The following MROH9 variants were observed in gnomAD, a reference collection of about 807,000 sequenced individuals.
MROH9 encodes the protein maestro heat like repeat family member 9.
Under a neutral mutation model 98.2 loss-of-function variants are expected in MROH9, and 92 were observed. The ratio of observed to expected loss-of-function variants is 0.94; its 90% CI spans 0.79 to 1.11. The LOEUF is 1.11. MROH9 is among the 50% of genes most tolerant of loss of function. MROH9 has a pLI of 0.00. For missense variants in MROH9, 1,057 were observed against 1,014.8 expected (o/e 1.04, Z -0.57); for synonymous variants, 397 against 368.9 (o/e 1.08, Z -0.87).
chr1:171,009,334 C>T (rs565818389), intron 15 of MROH9, among the ~76,000 whole-genome samples: 25 of 152,156 alleles, frequency 1.6e-4, no homozygotes, highest in Admixed American at 6.5e-4. Flanking sequence ...CTCCATGCAG[C>T]TTATGAACAT....
intron 20 of MROH9, among the ~76,000 whole-genome samples, chr1:171,030,776 G>A (rs1043953228): frequency 1.6e-4 from 24 of 152,206 alleles, no homozygotes; most frequent in Non-Finnish European, 3.4e-4. Context: ...ATTTGGGTTG[G>A]AGAGTTCTGC....
rs145783915 is a variant in MROH9, at chr1:170,959,690, T to TC, written c.288+95dup. On this transcript the variant is annotated intron_variant, in intron 5 of 21. Transcript: ENST00000367759. ...ACTCAGCAGGTGATAATCTTTAGGG[T>TC]CCTCCTCTTCACTCTTTTTAGTTAT... is the stretch of plus-strand genomic sequence containing the variant. The TC allele has an allele frequency of 3.3e-3, 3,751 of 1,152,770 alleles. 88 individuals are homozygous for TC. The African/African-American group carries it at 0.051, about 16-fold the overall frequency. The allele number at this position is 1,152,770 out of a possible 1,614,324, so 71.4% of individuals were successfully genotyped here. A position where few individuals can be genotyped will look rare whatever the true frequency, so the allele number is the denominator to read the frequency against.
At chr1:170,983,634 C>A in intron 9 of MROH9, 100 bp downstream of exon 9, 2 of 726,246 alleles carry the variant, frequency 2.8e-6, no homozygotes, top group South Asian at 1.9e-5. Context: ...AGTATTTTTT[C>A]GTTTTTTTTT....
intron 7 of MROH9, among the ~76,000 whole-genome samples, chr1:170,966,008 A>C (rs947332895): frequency 1.3e-5 from 2 of 152,086 alleles, no homozygotes; most frequent in African/African-American, 4.8e-5. Context: ...TGGACATTAA[A>C]GTATCATTTA....
chr1:171,060,742 T>C (rs897411935), intron 20 of MROH9, among the ~76,000 whole-genome samples: 1 of 152,132 alleles, frequency 6.6e-6, no homozygotes, highest in Non-Finnish European at 1.5e-5. Flanking sequence ...AGATGGATGG[T>C]ATATATAAGC....
At chr1:170,953,867 G>GAGAA (rs1649657178) in intron 3 of MROH9, among the ~76,000 whole-genome samples, 1 of 108,948 alleles carries the variant, frequency 9.2e-6, no homozygotes, top group Non-Finnish European at 1.9e-5. Context: ...AAGAAAGAGA[G>GAGAA]AGAGAGAGAG....
intron 15 of MROH9, among the ~76,000 whole-genome samples, chr1:171,004,735 C>T (rs1016819493): frequency 3.9e-5 from 6 of 152,168 alleles, no homozygotes; most frequent in Admixed American, 1.3e-4. Context: ...GCTGTTCTGT[C>T]TGGAGCTGCA....
At chr1:171,001,197 G>A (rs1413801240) in intron 15 of MROH9, among the ~76,000 whole-genome samples, 5 of 151,690 alleles carry the variant, frequency 3.3e-5, no homozygotes, top group Non-Finnish European at 2.9e-5. Context: ...CCAGTTTTTT[G>A]TTTCATTTAC....
chr1:170,980,405 T>C (rs1319912213), intron 8 of MROH9, among the ~76,000 whole-genome samples: 1 of 152,040 alleles, frequency 6.6e-6, no homozygotes, highest in Admixed American at 6.6e-5. Flanking sequence ...AATGGAACAT[T>C]GGTGCTGGTA....
chr1:171,049,648 A>G (rs866401359), intron 20 of MROH9, among the ~76,000 whole-genome samples: 1 of 150,380 alleles, frequency 6.6e-6, no homozygotes, highest in African/African-American at 2.4e-5. Context: ...TCATCTGTTC[A>G]TGTTCTTTAC....
At chr1:171,004,803 C>T (rs1651901413) in intron 15 of MROH9, among the ~76,000 whole-genome samples, 1 of 151,946 alleles carries the variant, frequency 6.6e-6, no homozygotes, top group African/African-American at 2.4e-5. Flanking sequence ...GGGTTTATTT[C>T]TGAGCACTCT....
At position 171,024,435 on chromosome 1, in the gene MROH9, G is replaced by A; in HGVS notation, c.1949G>A (p.Gly650Asp). 6.4e-7 allele frequency: 1 copy of A among 1,551,248 alleles called. No homozygotes were observed. Among genetic ancestry groups the A allele is most frequent in the Non-Finnish European group, 8.7e-7 (1 of 1,146,852 alleles). Residue 650 changes from glycine to aspartate, a missense_variant, in exon 18 of 22, where the codon GGT becomes GAT. Gly to Asp is a moderately conservative substitution (Grantham distance 94). Transcript: ENST00000367759. ...GIRSMAIRHF[G>D]QLVRDMRQYT... ...CGAAGTATGGCAATTCGACACTTTG[G>A]TCAATTAGTTAGGGATATGAGACAG...
intron 8 of MROH9, among the ~76,000 whole-genome samples, chr1:170,978,420 T>C (rs1650798289): frequency 6.6e-6 from 1 of 152,144 alleles, no homozygotes; most frequent in South Asian, 2.1e-4. Flanking sequence ...CCAGTGGATA[T>C]GCTCAGCCAT....
chr1:170,998,022 A>G, intron 14 of MROH9, 132 bp from the exon 15 acceptor site: 1 of 680,264 alleles, frequency 1.5e-6, no homozygotes, highest in Non-Finnish European at 2.4e-6. Flanking sequence ...TAGTGGGACA[A>G]TTTATTTAGG....
chr1:171,006,563 T>C (rs1453849671), intron 15 of MROH9, among the ~76,000 whole-genome samples: 1 of 152,176 alleles, frequency 6.6e-6, no homozygotes, highest in African/African-American at 2.4e-5. Flanking sequence ...AAAGAAATTC[T>C]GGCTCAAAAC....
chr1:170,985,748 A>G (rs1651107317), intron 9 of MROH9, among the ~76,000 whole-genome samples: 1 of 141,340 alleles, frequency 7.1e-6, no homozygotes, highest in Admixed American at 7.0e-5. Flanking sequence ...AGCCTTGGTT[A>G]CCCCCCTCTA....
At chr1:170,971,358 T>C (rs935368413) in intron 7 of MROH9, among the ~76,000 whole-genome samples, 2 of 152,202 alleles carry the variant, frequency 1.3e-5, no homozygotes, top group African/African-American at 4.8e-5. Context: ...AAGAAGGAAG[T>C]ACTAAAGGTT....
intron 15 of MROH9, among the ~76,000 whole-genome samples, chr1:171,011,841 T>G (rs998308424): frequency 6.6e-6 from 1 of 152,152 alleles, no homozygotes; most frequent in Admixed American, 6.5e-5. Flanking sequence ...TTAATAGGAT[T>G]TTTTTCCTGT....
At chr1:170,973,765 C>T (rs1438620871) in intron 8 of MROH9, among the ~76,000 whole-genome samples, 1 of 152,142 alleles carries the variant, frequency 6.6e-6, no homozygotes, top group Non-Finnish European at 1.5e-5. Context: ...ATCGCAGCTA[C>T]TCAGGAGGCT....
Sources: gnomAD v4.1 joint callset for allele counts (sites outside exome capture counted in the v4.1 genomes callset) on GRCh38, gnomAD v4.1.1 for gene constraint, MANE v1.5 for transcripts, NCBI Gene and HGNC (gene_info 2026-07-23, HGNC 2026-07-21) for gene names.